DAB1: variants seen among roughly 807,000 people sequenced by gnomAD.
DAB1 encodes disabled homolog 1.
Under a neutral mutation model 64.6 loss-of-function variants are expected in DAB1, and 15 were observed. The observed-to-expected ratio is 0.23, with a 90% CI of 0.16 to 0.36. The LOEUF is 0.36. Among genes scored for constraint, DAB1 ranks in the 10% least tolerant of loss-of-function variants. DAB1 has a pLI of 1.00. For synonymous variants in DAB1, 235 were observed against 251.9 expected (o/e 0.93, Z 0.64); for missense variants, 596 against 706.7 (o/e 0.84, Z 1.78).
intron 7 of DAB1, among the ~76,000 whole-genome samples, chr1:57,587,938 C>T (rs968020898): frequency 2.0e-5 from 3 of 152,220 alleles, no homozygotes; most frequent in African/African-American, 7.2e-5. Context: ...TTTGGACCTA[C>T]ACTTTCAGCA....
At chr1:58,529,141 C>A (rs1279519057) in intron 1 of DAB1, among the ~76,000 whole-genome samples, 1 of 152,084 alleles carries the variant, frequency 6.6e-6, no homozygotes, top group Admixed American at 6.6e-5. Context: ...TCTTTAAGAA[C>A]CTTTACTTCA....
chr1:58,528,586 T>C (rs1646386422), intron 1 of DAB1, among the ~76,000 whole-genome samples: 1 of 152,172 alleles, frequency 6.6e-6, no homozygotes, highest in African/African-American at 2.4e-5. Context: ...ATCTAGGGAA[T>C]GGGGGTCAGA....
At chr1:57,393,112 G>T (rs1682522710) in intron 1 of DAB1, among the ~76,000 whole-genome samples, 1 of 152,116 alleles carries the variant, frequency 6.6e-6, no homozygotes, top group Admixed American at 6.5e-5. Flanking sequence ...TTGTGGAATG[G>T]CTAAATCGAG....
chr1:57,183,198 G>A (rs1189520786), intron 2 of DAB1, among the ~76,000 whole-genome samples: 1 of 152,240 alleles, frequency 6.6e-6, no homozygotes, highest in Non-Finnish European at 1.5e-5. Context: ...GGGAACTGCC[G>A]AGCATTCTAA....
chr1:57,553,480 G>GGAAC (rs1246123099), intron 7 of DAB1, among the ~76,000 whole-genome samples: 2 of 92,948 alleles, frequency 2.2e-5, no homozygotes, highest in African/African-American at 6.8e-5. Flanking sequence ...AAGAAAGGAA[G>GGAAC]GAAGGAAGGA....
chr1:57,727,756 C>CCTTCCTTCCTTT (rs1472307919), intron 6 of DAB1, among the ~76,000 whole-genome samples: 1 of 151,390 alleles, frequency 6.6e-6, no homozygotes, highest in Non-Finnish European at 1.5e-5. Context: ...TTCCTTCCTT[C>CCTTCCTTCCTTT]CTCTCTTCCT....
At chr1:58,073,339 A>G (rs1649393143) in intron 5 of DAB1, among the ~76,000 whole-genome samples, 1 of 152,290 alleles carries the variant, frequency 6.6e-6, no homozygotes, top group South Asian at 2.1e-4. Context: ...TCTCCCCTGG[A>G]AAGTCCTCTC....
At chr1:57,592,537 T>C (rs1259062486) in intron 7 of DAB1, among the ~76,000 whole-genome samples, 1 of 151,660 alleles carries the variant, frequency 6.6e-6, no homozygotes, top group Non-Finnish European at 1.5e-5. Context: ...TAGTGAGGAG[T>C]CTTCAGGTCA....
In DAB1 at chr1:58,322,989, G is replaced by A. The variant is rs908161439; in HGVS notation, n.309+20363C>T. Among the ~76,000 whole-genome samples the A allele has an allele frequency of 2.4e-4, 36 of 149,090 alleles. No individual in the cohort carries two copies. The Middle Eastern group carries it at 0.017, about 72-fold the overall frequency. ...ATCATTCTGAGCAAACTATCGCAAG[G>A]ACAGAAAACCAAACACTGCATGTTC... On this transcript the variant is annotated intron_variant and non_coding_transcript_variant, in intron 4 of 20. Transcript: ENST00000485760.
At chr1:58,274,841 G>C (rs1661399911) in intron 4 of DAB1, among the ~76,000 whole-genome samples, 1 of 152,112 alleles carries the variant, frequency 6.6e-6, no homozygotes, top group South Asian at 2.1e-4. Flanking sequence ...CCCAGGTGAG[G>C]CAATGCCTCG....
intron 3 of DAB1, among the ~76,000 whole-genome samples, chr1:58,391,303 G>T (rs1429442129): frequency 6.6e-6 from 1 of 152,182 alleles, no homozygotes. Context: ...GCCAGATTGT[G>T]TCGCTTCTCT....
intron 7 of DAB1, among the ~76,000 whole-genome samples, chr1:57,587,827 A>ATCAG (rs1645398585): frequency 6.6e-6 from 1 of 152,222 alleles, no homozygotes. Flanking sequence ...AAAGACAGAC[A>ATCAG]TCAGTCATAC....
chr1:58,311,646 G>T (rs928145954), intron 4 of DAB1, among the ~76,000 whole-genome samples: 17 of 152,052 alleles, frequency 1.1e-4, no homozygotes, highest in Non-Finnish European at 2.4e-4. Flanking sequence ...GTAAACCAAG[G>T]TCTAGGGTAC....
chr1:57,782,089 A>G (rs1325552028), intron 6 of DAB1, among the ~76,000 whole-genome samples: 1 of 152,200 alleles, frequency 6.6e-6, no homozygotes, highest in African/African-American at 2.4e-5. Flanking sequence ...TTTAGTTCAT[A>G]TCTCCTATAA....
At chr1:57,495,856 T>G (rs1644223754) in intron 7 of DAB1, among the ~76,000 whole-genome samples, 1 of 152,208 alleles carries the variant, frequency 6.6e-6, no homozygotes, top group African/African-American at 2.4e-5. Context: ...CATATGGCTC[T>G]GCTTACCCCA....
At chr1:58,461,590 C>T (rs1214265889) in intron 3 of DAB1, among the ~76,000 whole-genome samples, 39 of 152,144 alleles carry the variant, frequency 2.6e-4, no homozygotes, top group Admixed American at 2.6e-3. Context: ...CCACAGTCAA[C>T]CCCAGCTAAC....
chr1:57,042,890 T>A (rs1403350375), intron 9 of DAB1, among the ~76,000 whole-genome samples: 1 of 151,860 alleles, frequency 6.6e-6, no homozygotes, highest in Non-Finnish European at 1.5e-5. Flanking sequence ...CACAGAGATA[T>A]GGCATTTGTT....
At chr1:58,322,935 T>C (rs1303183202) in intron 4 of DAB1, among the ~76,000 whole-genome samples, 6 of 152,160 alleles carry the variant, frequency 3.9e-5, no homozygotes, top group Non-Finnish European at 7.3e-5. Flanking sequence ...TTCATGTCCT[T>C]TGTAGGGACA....
chr1:57,131,935 A>G lies in DAB1; in HGVS notation c.306+4608T>C, dbSNP rs532228193. Reference sequence around the variant, plus strand: ...AGCTAGATAGACAATAGTGATGAACAAAAAGATGGGGCCTTATTTATCTCT... The same window carrying G: ...AGCTAGATAGACAATAGTGATGAACGAAAAGATGGGGCCTTATTTATCTCT... On this transcript the variant is annotated intron_variant, in intron 4 of 14. Coordinates refer to ENST00000371236, the MANE Select transcript of DAB1 (RefSeq NM_001365792.1). Among the ~76,000 whole-genome samples, 8 of 152,290 alleles carry G rather than the reference A, an allele frequency of 5.3e-5. No individual in the cohort carries two copies. The South Asian group carries it at 8.3e-4, about 16-fold the overall frequency.
Sources: allele counts gnomAD v4.1 joint callset (sites outside exome capture counted in the v4.1 genomes callset), GRCh38; gene constraint gnomAD v4.1.1; transcripts MANE v1.5; gene names NCBI Gene and HGNC (gene_info 2026-07-23, HGNC 2026-07-21).